The following NBEAL1 variants were observed in gnomAD, a reference collection of about 807,000 sequenced individuals.
NBEAL1 encodes the protein neurobeachin-like protein 1.
In NBEAL1, 273 loss-of-function variants were observed where a neutral mutation model predicts 351.3. The observed-to-expected ratio is 0.78, with a 90% CI of 0.70 to 0.86. The LOEUF is 0.86. Ranked by LOEUF, NBEAL1 falls within the 40% of genes least tolerant of loss-of-function variation. NBEAL1 has a pLI of 0.00. For missense variants in NBEAL1, 2,961 were observed against 3,201.3 expected (o/e 0.92, Z 1.81); for synonymous variants, 1,050 against 1,086.4 (o/e 0.97, Z 0.66).
intron 7 of NBEAL1, among the ~76,000 whole-genome samples, chr2:203,073,363 T>C (rs893154979): frequency 6.6e-6 from 1 of 152,262 alleles, no homozygotes; most frequent in African/African-American, 2.4e-5. Flanking sequence ...AAGTTGTTCA[T>C]AGTATTTCTT....
At chr2:203,107,371 A>T in intron 12 of NBEAL1, 49 bp from the exon 13 acceptor site, 1 of 876,392 alleles carries the variant, frequency 1.1e-6, no homozygotes. Context: ...ATTCCAACAT[A>T]TTCAGTCTTT....
chr2:203,157,207 C>T (rs939459893), intron 35 of NBEAL1, among the ~76,000 whole-genome samples: 6 of 152,040 alleles, frequency 3.9e-5, no homozygotes, highest in Non-Finnish European at 7.4e-5. Flanking sequence ...CATATAATTG[C>T]CTCGGAATTA....
intron 43 of NBEAL1, chr2:203,183,065 C>T: frequency 3.1e-6 from 1 of 317,610 alleles, no homozygotes; most frequent in Non-Finnish European, 5.7e-6. Context: ...ACTTTTTTTG[C>T]TTAACAACTT....
intron 51 of NBEAL1, among the ~76,000 whole-genome samples, chr2:203,206,388 C>T (rs1427825368): frequency 6.6e-6 from 1 of 151,968 alleles, no homozygotes; most frequent in Non-Finnish European, 1.5e-5. Flanking sequence ...CTCCCTCTCC[C>T]TCTCCCTCTC....
At chr2:203,158,236 G>A (rs1363434456) in intron 36 of NBEAL1, among the ~76,000 whole-genome samples, 11 of 152,008 alleles carry the variant, frequency 7.2e-5, no homozygotes, top group African/African-American at 2.7e-4. Flanking sequence ...TTAAAAACAA[G>A]CAAACAAAAA....
At chr2:203,204,017 C>T (rs1214716516) in intron 51 of NBEAL1, among the ~76,000 whole-genome samples, 2 of 151,550 alleles carry the variant, frequency 1.3e-5, no homozygotes, top group East Asian at 1.9e-4. Context: ...CAACCTCCAC[C>T]TCCTGGGTTC....
intron 36 of NBEAL1, among the ~76,000 whole-genome samples, chr2:203,163,873 A>G (rs958991194): frequency 6.6e-6 from 1 of 152,002 alleles, no homozygotes; most frequent in Non-Finnish European, 1.5e-5. Flanking sequence ...TCCCTTATGT[A>G]TAGTTGTTGG....
At chr2:203,151,712 G>T in intron 35 of NBEAL1, 123 bp downstream of exon 35, 1 of 890,288 alleles carries the variant, frequency 1.1e-6, no homozygotes, top group South Asian at 2.8e-5. Flanking sequence ...TTTTATAATT[G>T]ATATTTAAGT....
chr2:203,136,500 A>T, intron 28 of NBEAL1, 99 bp from the exon 29 acceptor site: 1 of 915,636 alleles, frequency 1.1e-6, no homozygotes, highest in Non-Finnish European at 1.6e-6. Flanking sequence ...CTTTAAAAAT[A>T]TGTTAAATGA....
At chr2:203,129,478 C>T (rs1055639922) in intron 24 of NBEAL1, among the ~76,000 whole-genome samples, 4 of 152,154 alleles carry the variant, frequency 2.6e-5, no homozygotes, top group Non-Finnish European at 5.9e-5. Flanking sequence ...AAAAGCTTCT[C>T]ATTATTCCCA....
At chr2:203,179,295 A>G (rs1177966161) in intron 42 of NBEAL1, among the ~76,000 whole-genome samples, 1 of 152,212 alleles carries the variant, frequency 6.6e-6, no homozygotes, top group Non-Finnish European at 1.5e-5. Context: ...CGCAGTGCCC[A>G]TGATTAAATT....
At chr2:203,192,376 TA>T (rs1030913296) in intron 46 of NBEAL1, among the ~76,000 whole-genome samples, 1 of 150,180 alleles carries the variant, frequency 6.7e-6, no homozygotes, top group African/African-American at 2.5e-5. Context: ...TAATATTTAT[TA>T]AAAGATAATT....
At chr2:203,137,328 A>T (rs1180770228) in intron 29 of NBEAL1, among the ~76,000 whole-genome samples, 1 of 152,208 alleles carries the variant, frequency 6.6e-6, no homozygotes, top group Non-Finnish European at 1.5e-5. Flanking sequence ...TCGTTAAAAT[A>T]TCATTAGTGT....
At chr2:203,109,336 G>A (rs868346731) in intron 14 of NBEAL1, among the ~76,000 whole-genome samples, 45 of 152,106 alleles carry the variant, frequency 3.0e-4, no homozygotes, top group African/African-American at 1.0e-3. Context: ...TCCAGCCTGG[G>A]CAATAGAGTA....
intron 10 of NBEAL1, among the ~76,000 whole-genome samples, chr2:203,090,716 G>A (rs1371797466): frequency 1.3e-5 from 2 of 151,782 alleles, no homozygotes; most frequent in African/African-American, 4.8e-5. Flanking sequence ...TGGAAACCCC[G>A]TCTCTACTAA....
In NBEAL1 at chr2:203,099,729, C is replaced by A. The variant is rs751653392; in HGVS notation, c.1269+17C>A. On this transcript the variant is annotated intron_variant, in intron 12 of 55. Transcript: ENST00000683969. The stretch of plus-strand genomic sequence containing the variant: ...GCTGCTAAGGTGAAACATATATCCT[C>A]CAGCTTTTTTTTTTTTCTTAACTTT... 11 of 1,500,526 alleles carry A rather than the reference C, an allele frequency of 7.3e-6. No homozygotes were observed. In the South Asian group the frequency reaches 1.4e-4, roughly 19 times the overall value. 93.0% of individuals were successfully genotyped at this position (1,500,526 alleles called of 1,614,324 possible).
intron 51 of NBEAL1, 76 bp from the exon 52 acceptor site, chr2:203,208,561 T>G: frequency 1.0e-6 from 1 of 984,960 alleles, no homozygotes; most frequent in South Asian, 1.4e-5. Context: ...TTAGAAGGTT[T>G]AAATGCAATA....
At chr2:203,198,343 A>G (rs2065297500) in intron 48 of NBEAL1, among the ~76,000 whole-genome samples, 1 of 152,094 alleles carries the variant, frequency 6.6e-6, no homozygotes. Flanking sequence ...TTTATAATCA[A>G]GAAGATAAAA....
intron 38 of NBEAL1, among the ~76,000 whole-genome samples, chr2:203,168,009 C>CTGTGTCATGTAATTAA (rs2064190070): frequency 6.6e-6 from 1 of 152,218 alleles, no homozygotes; most frequent in South Asian, 2.1e-4. Context: ...CATTAGCACA[C>CTGTGTCATGTAATTAA]ACAATAACTA....
Sources: gnomAD v4.1 joint callset for allele counts (sites outside exome capture counted in the v4.1 genomes callset) on GRCh38, gnomAD v4.1.1 for gene constraint, MANE v1.5 for transcripts, NCBI Gene and HGNC (gene_info 2026-07-23, HGNC 2026-07-21) for gene names.